The following KCTD3 variants were observed in gnomAD, a reference collection of about 807,000 sequenced individuals.
The protein encoded by KCTD3 is potassium channel tetramerization domain containing 3.
A neutral mutation model predicts 85.8 loss-of-function variants in KCTD3; 41 were observed. The ratio of observed to expected loss-of-function variants is 0.48; its 90% CI spans 0.37 to 0.62. KCTD3 has a LOEUF of 0.62. Ranked by LOEUF, KCTD3 falls within the 20% of genes least tolerant of loss-of-function variation. The probability of loss-of-function intolerance (pLI) is 0.00; values close to 1 mark genes in which losing one functional copy is unlikely to be tolerated. For synonymous variants in KCTD3, 338 were observed against 345.4 expected, an observed-to-expected ratio of 0.98 and a Z score of 0.24; for missense variants, 724 against 989.9, an observed-to-expected ratio of 0.73 and a Z score of 3.60.
At chr1:215,595,261 T>C in intron 9 of KCTD3, 95 bp from the exon 10 acceptor site, 1 of 745,404 alleles carries the variant, frequency 1.3e-6, no homozygotes, top group South Asian at 1.6e-5. Context: ...AATGAGAATA[T>C]AAATTAGTCA....
chr1:215,617,185 A>G (rs959101682), intron 15 of KCTD3, among the ~76,000 whole-genome samples: 4 of 152,196 alleles, frequency 2.6e-5, no homozygotes, highest in South Asian at 2.1e-4. Flanking sequence ...CTGGGAATCT[A>G]TTGTTCATCT....
Position 215,620,503 on chromosome 1 carries a change from G to A in KCTD3, c.2333G>A (p.Ser778Asn). The A allele has an allele frequency of 1.2e-6, 2 of 1,613,720 alleles. No individual in the cohort carries two copies. The highest frequency in any genetic ancestry group is 1.7e-6 in the Non-Finnish European group (2 of 1,179,652). The change falls in exon 18 of 18, where the codon AGT (serine) becomes AAT (asparagine). Residue 778 changes from serine to asparagine, a missense_variant. This residue lies in a region of KCTD3 where 222 missense variants were observed against 217.7 expected (regional missense o/e 1.02). Coordinates refer to ENST00000259154, the MANE Select transcript of KCTD3 (RefSeq NM_016121.5). ...KKVPYLASSP[S>N]TSDGGTDSPG... ...GTTCCCTATCTGGCGTCATCACCAA[G>A]TACTTCCGATGGAGGAACTGACTCA... is the stretch of plus-strand genomic sequence containing the variant.
In KCTD3 at chr1:215,621,306, G is replaced by T. The variant is rs1389006662; in HGVS notation, c.*688G>T. ...TTGAAACTTTCAAGTTGGAGCAATT[G>T]TCTGTGTTTGAAAAGATGAAATAAA... On this transcript the variant is annotated 3_prime_UTR_variant, in exon 18 of 18. Coordinates refer to ENST00000259154, the MANE Select transcript of KCTD3 (RefSeq NM_016121.5). 5 of 152,224 alleles carry T rather than the reference G, an allele frequency of 3.3e-5. No homozygotes were observed. The highest frequency in any genetic ancestry group is 7.4e-5 in the Non-Finnish European group (5 of 67,956). 9.4% of individuals were successfully genotyped at this position (152,224 alleles called of 1,614,324 possible).
chr1:215,595,229 C>G (rs773742961), intron 9 of KCTD3, 127 bp from the exon 10 acceptor site: 1 of 622,924 alleles, frequency 1.6e-6, no homozygotes. Context: ...GTCCCCAACA[C>G]GTATAGCACA....
rs1659746822 is a variant in KCTD3 at position 215,579,854 on chromosome 1, A to G, written c.536-55A>G. On this transcript the variant is annotated intron_variant, in intron 7 of 17. Transcript: ENST00000259154. ...AGGCTGAAACTGGCCTGGTGGCTGTAATTTGCCAACCCCCGGTTTAGAATG... is the reference window on the plus strand; with the variant it reads ...AGGCTGAAACTGGCCTGGTGGCTGTGATTTGCCAACCCCCGGTTTAGAATG... The G allele has an allele frequency of 6.2e-6, 8 of 1,295,990 alleles. No individual in the cohort carries two copies. The Admixed American group carries it at 1.4e-4, about 22-fold the overall frequency. The allele number at this position is 1,295,990 out of a possible 1,614,324, so 80.3% of individuals were successfully genotyped here. A position where few individuals can be genotyped will look rare whatever the true frequency, so the allele number is the denominator to read the frequency against.
chr1:215,607,497 T>C (rs868237468), intron 13 of KCTD3, among the ~76,000 whole-genome samples: 1 of 152,012 alleles, frequency 6.6e-6, no homozygotes, highest in Non-Finnish European at 1.5e-5. Context: ...AAAATAATGC[T>C]CAGCTTTAGT....
At chr1:215,604,718 G>A (rs998589313) in intron 13 of KCTD3, among the ~76,000 whole-genome samples, 4 of 143,334 alleles carry the variant, frequency 2.8e-5, no homozygotes, top group Non-Finnish European at 4.5e-5. Flanking sequence ...TTATGACCCT[G>A]CTAAGAGGAA....
chr1:215,602,013 G>A, intron 11 of KCTD3, 59 bp downstream of exon 11: 2 of 1,409,518 alleles, frequency 1.4e-6, no homozygotes. Context: ...ATGAGAACAA[G>A]AAAACATTAC....
rs754451976 is a variant in KCTD3, at chr1:215,582,623, G to GT, written c.626+2625dup. 7.4e-4 allele frequency among the ~76,000 whole-genome samples: 112 copies of GT among 152,200 alleles called. 1 individual carries two copies. The East Asian group carries it at 0.016, about 22-fold the overall frequency. ...GTCACCCAGGCTAGAGTGCAGTGGC[G>GT]TGATCTCGGGTCACTGCAACACCTG... On this transcript the variant is annotated intron_variant, in intron 8 of 17. Transcript: ENST00000259154.
At position 215,574,064 on chromosome 1, in the gene KCTD3, G is replaced by T. The variant is rs1659479747; in HGVS notation, c.138-9G>T. 6.3e-7 allele frequency: 1 copy of T among 1,578,546 alleles called. No homozygotes were observed. The highest frequency in any genetic ancestry group is 2.2e-5 in the East Asian group (1 of 44,452). On this transcript the variant is annotated splice_polypyrimidine_tract_variant and intron_variant, in intron 2 of 17. Coordinates refer to ENST00000259154, the MANE Select transcript of KCTD3 (RefSeq NM_016121.5). ...TAAAAACTAACTTTAGATTATTAAT[G>T]ACTTCCAGTTTGCTGAGTGGGAGAA... is the stretch of plus-strand genomic sequence containing the variant.
chr1:215,574,449 A>G (rs1312688911), intron 3 of KCTD3, among the ~76,000 whole-genome samples: 1 of 152,146 alleles, frequency 6.6e-6, no homozygotes, highest in Non-Finnish European at 1.5e-5. Context: ...TTTATATTAG[A>G]ATATAAGAGG....
chr1:215,586,432 AT>A lies in KCTD3; in HGVS notation c.627-62del, dbSNP rs1436028357. 1.0e-5 allele frequency: 13 copies of A among 1,284,534 alleles called. No individual in the cohort carries two copies. In the Admixed American group the frequency reaches 2.7e-4, roughly 27 times the overall value. 79.6% of individuals were successfully genotyped at this position (1,284,534 alleles called of 1,614,324 possible). A position where few individuals can be genotyped will look rare whatever the true frequency, so the allele number is the denominator to read the frequency against. On this transcript the variant is annotated intron_variant, in intron 8 of 17. Coordinates refer to ENST00000259154, the MANE Select transcript of KCTD3 (RefSeq NM_016121.5). The stretch of plus-strand genomic sequence containing the variant: ...GTTGTTTTTTGTTTTTGGTGCATTG[AT>A]GTGTATTCCGTTTGCTTCATTGCTG...
chr1:215,620,632 T>C lies in KCTD3; in HGVS notation c.*14T>C, dbSNP rs761234540. ...TACAGCTTGTGAAAACTCACCAAAA[T>C]GAATAGTTGTTTCGTTACATTTAGA... On this transcript the variant is annotated 3_prime_UTR_variant, in exon 18 of 18. Transcript: ENST00000259154. 3 of 1,523,980 alleles carry C rather than the reference T, an allele frequency of 2.0e-6. No homozygotes were observed. The highest frequency in any genetic ancestry group is 2.5e-5 in the South Asian group (2 of 80,290). The allele number at this position is 1,523,980 out of a possible 1,614,324, so 94.4% of individuals were successfully genotyped here.
At chr1:215,613,347 T>G (rs1308189278) in intron 15 of KCTD3, among the ~76,000 whole-genome samples, 1 of 152,162 alleles carries the variant, frequency 6.6e-6, no homozygotes, top group Admixed American at 6.5e-5. Context: ...CACTTTCTAA[T>G]GGAGTCATGT....
chr1:215,585,714 A>G (rs1398932463), intron 8 of KCTD3, among the ~76,000 whole-genome samples: 3 of 152,232 alleles, frequency 2.0e-5, no homozygotes, highest in Non-Finnish European at 4.4e-5. Flanking sequence ...ATATAATCGC[A>G]TAGAAAACAT....
intron 15 of KCTD3, chr1:215,618,150 T>G: frequency 2.1e-6 from 1 of 467,316 alleles, no homozygotes; most frequent in Non-Finnish European, 4.4e-6. Flanking sequence ...AAAGGGCATT[T>G]GGAGGTAAAC....
chr1:215,600,816 A>G (rs1654801091), intron 10 of KCTD3, among the ~76,000 whole-genome samples: 2 of 152,244 alleles, frequency 1.3e-5, no homozygotes, highest in South Asian at 2.1e-4. Flanking sequence ...TAGTAATTCA[A>G]ATGTCATCTG....
chr1:215,613,268 G>A (rs944292761), intron 15 of KCTD3, among the ~76,000 whole-genome samples: 2 of 152,124 alleles, frequency 1.3e-5, no homozygotes, highest in South Asian at 2.1e-4. Context: ...CTTTTGCCAG[G>A]CTAGAGTGCT....
chr1:215,577,232 T>A (rs1659621690), intron 4 of KCTD3, among the ~76,000 whole-genome samples: 1 of 151,908 alleles, frequency 6.6e-6, no homozygotes, highest in South Asian at 2.1e-4. Context: ...CAAACATAGA[T>A]CAGAAATAGA....
Sources: allele counts gnomAD v4.1 joint callset (sites outside exome capture counted in the v4.1 genomes callset), GRCh38; gene constraint gnomAD v4.1.1; regional missense constraint gnomAD v4.1.1; transcripts MANE v1.5; gene names NCBI Gene and HGNC (gene_info 2026-07-23, HGNC 2026-07-21).